Variants in COL5A1 observed in about 807,000 individuals in gnomAD.
The protein encoded by COL5A1 is collagen type V alpha 1 chain.
A neutral mutation model predicts 263.7 loss-of-function variants in COL5A1; 16 were observed. The observed-to-expected ratio is 0.06, with a 90% CI of 0.04 to 0.09. COL5A1 has a LOEUF of 0.09. Among genes scored for constraint, COL5A1 ranks in the 10% least tolerant of loss-of-function variants. The pLI is 1.00. For synonymous variants in COL5A1, 1,012 were observed against 1,004.5 expected (o/e 1.01, Z -0.14); for missense variants, 2,036 against 2,540.5 (o/e 0.80, Z 4.27).
At chr9:134,690,801 AGG>A in intron 1 of COL5A1, 109 bp from the exon 2 acceptor site, 1 of 1,340,448 alleles carries the variant, frequency 7.5e-7, no homozygotes, top group Non-Finnish European at 1.1e-6. Flanking sequence ...CTGAGTGCCC[AGG>A]ATTCACAGTG....
chr9:134,811,576 C>T lies in COL5A1; in HGVS notation c.3667C>T (p.Pro1223Ser), dbSNP rs1411675246. 1.3e-6 allele frequency: 2 copies of T among 1,561,562 alleles called. No homozygotes were observed. The highest frequency in any genetic ancestry group is 8.7e-7 in the Non-Finnish European group (1 of 1,152,410). The change falls in exon 46 of 66, where the codon CCC becomes TCC. Residue 1223 changes from proline (P) to serine (S), a missense_variant. Physicochemically the swap from Pro to Ser is moderately conservative, Grantham distance 74 (BLOSUM62 -1). This residue lies in a region of COL5A1 where 1,078 missense variants were observed against 1,521.4 expected (regional missense o/e 0.71). Coordinates refer to ENST00000371817, the MANE Select transcript of COL5A1 (RefSeq NM_000093.5). The stretch of plus-strand genomic sequence containing the variant: ...TGAAGGTCCCAGAGGCTTTCCTGGA[C>T]CCCCTGGGCCAGTGGGGCTGCAGGT... Reference protein sequence around the residue: ...GDEGPRGFPGPPGPVGLQGLP... With the variant: ...GDEGPRGFPGSPGPVGLQGLP...
chr9:134,835,240 A>G lies in COL5A1; in HGVS notation c.5370+36A>G, dbSNP rs769533727. ...CGCGCCGCGCCCAGCACCCCTGCTC[A>G]CGCCTCCGTGGGGCTCGCTCCTCAC... On this transcript the variant is annotated intron_variant, in intron 65 of 65. Coordinates refer to ENST00000371817, the MANE Select transcript of COL5A1 (RefSeq NM_000093.5). The G allele has an allele frequency of 4.4e-6, 7 of 1,577,064 alleles. No individual in the cohort carries two copies. The Admixed American group carries it at 1.0e-4, about 23-fold the overall frequency.
chr9:134,797,666 A>G (rs185354819), intron 36 of COL5A1, among the ~76,000 whole-genome samples: 9 of 152,202 alleles, frequency 5.9e-5, no homozygotes, highest in African/African-American at 2.2e-4. Flanking sequence ...TATTTTTAGT[A>G]GAGATGGGGT....
chr9:134,688,709 C>T (rs930767428), intron 1 of COL5A1, among the ~76,000 whole-genome samples: 8 of 152,282 alleles, frequency 5.3e-5, no homozygotes, highest in South Asian at 2.1e-4. Context: ...ACTGTTCCCA[C>T]GCCGCAGTGG....
chr9:134,645,678 G>A (rs1228979182), intron 1 of COL5A1, among the ~76,000 whole-genome samples: 3 of 152,254 alleles, frequency 2.0e-5, no homozygotes, highest in Non-Finnish European at 4.4e-5. Flanking sequence ...TAGGAGTCAG[G>A]GGGCAGGGAT....
chr9:134,804,218 CAA>C (rs1233350917), intron 39 of COL5A1, among the ~76,000 whole-genome samples: 1 of 152,100 alleles, frequency 6.6e-6, no homozygotes. Context: ...ATTCTAGACA[CAA>C]AGAGAGCTCT....
intron 26 of COL5A1, among the ~76,000 whole-genome samples, chr9:134,773,928 T>G (rs992531791): frequency 1.3e-5 from 2 of 152,156 alleles, no homozygotes; most frequent in Non-Finnish European, 2.9e-5. Context: ...GGAGACCCAG[T>G]TCCCGCTGCC....
chr9:134,825,529 C>G (rs1839229872), intron 62 of COL5A1, among the ~76,000 whole-genome samples: 1 of 152,114 alleles, frequency 6.6e-6, no homozygotes. Context: ...GGCCGGACCC[C>G]AACCCTCCTG....
At chr9:134,811,315 A>G (rs1272060645) in intron 44 of COL5A1, 24 bp from the exon 45 acceptor site, 24 of 1,612,474 alleles carry the variant, frequency 1.5e-5, no homozygotes, top group Non-Finnish European at 1.9e-5. Context: ...GAAGCTACCT[A>G]TGTCTCTGTC....
At position 134,786,165 on chromosome 9, in the gene COL5A1, G is replaced by A. The variant is rs181076330; in HGVS notation, c.2646+117G>A. On this transcript the variant is annotated intron_variant, in intron 31 of 65. Transcript: ENST00000371817. ...GGCACAGGTGGAAGGATGTTCTGCC[G>A]ATAACTTCTGGCCATGTTACGTGTC... is the stretch of plus-strand genomic sequence containing the variant. The A allele has an allele frequency of 2.6e-4, 258 of 993,486 alleles. No individual in the cohort carries two copies. The African/African-American group carries it at 3.5e-3, about 13-fold the overall frequency. The allele number at this position is 993,486 out of a possible 1,614,324, so 61.5% of individuals were successfully genotyped here. A position where few individuals can be genotyped will look rare whatever the true frequency, so the allele number is the denominator to read the frequency against.
chr9:134,818,489 C>T lies in COL5A1; in HGVS notation c.4231-167C>T, dbSNP rs1838854771. On this transcript the variant is annotated intron_variant, in intron 54 of 65. Coordinates refer to ENST00000371817, the MANE Select transcript of COL5A1 (RefSeq NM_000093.5). This position sits in a 1 kb window ranked among gnomAD's most constrained non-coding sequence, Gnocchi z 6.0. The stretch of plus-strand genomic sequence containing the variant: ...GAGATGATCGGGATGGAGACTTGAC[C>T]AGGGCAGCTTCCACAGGCAATGAAA... 6.6e-6 allele frequency among the ~76,000 whole-genome samples: 1 copy of T among 152,172 alleles called. No homozygotes were observed. Among genetic ancestry groups the T allele is most frequent in the South Asian group, 2.1e-4 (1 of 4,832 alleles).
chr9:134,750,367 C>G (rs1253250733), intron 11 of COL5A1, among the ~76,000 whole-genome samples, 175 bp from the exon 12 acceptor site: 1 of 152,234 alleles, frequency 6.6e-6, no homozygotes, highest in Non-Finnish European at 1.5e-5. Context: ...CAGCCGTGCC[C>G]CTCCCTTCTC....
intron 1 of COL5A1, among the ~76,000 whole-genome samples, chr9:134,650,241 C>G (rs1160206293): frequency 1.3e-5 from 2 of 152,170 alleles, no homozygotes; most frequent in African/African-American, 2.4e-5. Flanking sequence ...TTGAAAAACT[C>G]TGACCCTTGC....
intron 29 of COL5A1, among the ~76,000 whole-genome samples, chr9:134,783,946 A>ACGAG (rs1837358639): frequency 6.6e-6 from 1 of 152,192 alleles, no homozygotes; most frequent in Admixed American, 6.5e-5. Flanking sequence ...CGTCCACGTG[A>ACGAG]CGAGGGTGCA....
Position 134,696,671 on chromosome 9 carries a change from G to A in COL5A1, c.278-3238G>A, listed in dbSNP as rs1833480712. ...CTGTAGTGAGCAATCGGTATGCTTA[G>A]TAACTGTCGGCTCAGTATGATTTAG... On this transcript the variant is annotated intron_variant, in intron 2 of 65. Transcript: ENST00000371817. This position sits in a 1 kb window ranked among gnomAD's most constrained non-coding sequence, Gnocchi z 4.3. Among the ~76,000 whole-genome samples the A allele has an allele frequency of 6.6e-6, 1 of 152,328 alleles. No individual in the cohort carries two copies. The highest frequency in any genetic ancestry group is 1.9e-4 in the East Asian group (1 of 5,190).
rs964076635 is a variant in COL5A1 at position 134,786,068 on chromosome 9, G to C, written c.2646+20G>C. 1.9e-6 allele frequency: 3 copies of C among 1,604,742 alleles called. No individual in the cohort carries two copies. In the African/African-American group the frequency reaches 4.0e-5, roughly 21 times the overall value. On this transcript the variant is annotated intron_variant, in intron 31 of 65. Coordinates refer to ENST00000371817, the MANE Select transcript of COL5A1 (RefSeq NM_000093.5). ...CCAAAGGTAACTTCTGGCCGTGTTA[G>C]GTGTCCCGGGACAGGCGGAGGGATG...
intron 63 of COL5A1, among the ~76,000 whole-genome samples, chr9:134,829,540 C>T (rs12352420): frequency 0.3 from 42,621 of 141,270 alleles, 6,791 homozygotes; most frequent in Admixed American, 0.34. Flanking sequence ...CTCCTCCTCA[C>T]GCAGCCTCCG....
Position 134,819,060 on chromosome 9 carries a change from G to A in COL5A1, c.4446+7G>A, listed in dbSNP as rs1231768380. The A allele has an allele frequency of 1.2e-6, 2 of 1,613,248 alleles. No homozygotes were observed. The highest frequency in any genetic ancestry group is 3.3e-5 in the Admixed American group (2 of 60,032). On this transcript the variant is annotated splice_region_variant and intron_variant, in intron 57 of 65. Transcript: ENST00000371817. ...TGGTCCCAAAGGTGAAAAGGTAAGAGGGGCCTCCCTGCCCCAGCAACTGTG... is the reference window on the plus strand; with the variant it reads ...TGGTCCCAAAGGTGAAAAGGTAAGAAGGGCCTCCCTGCCCCAGCAACTGTG...
At position 134,680,007 on chromosome 9, in the gene COL5A1, G is replaced by C. The variant is rs1420188648; in HGVS notation, c.110-10905G>C. On this transcript the variant is annotated intron_variant, in intron 1 of 65. Transcript: ENST00000371817. This position sits in a 1 kb window ranked among gnomAD's most constrained non-coding sequence, Gnocchi z 5.9. ...TCAGGTGGGCCTGTGCCTGTGGGGA[G>C]GGTGGTCTAGTGTCAGACACAGATG... 6.6e-6 allele frequency among the ~76,000 whole-genome samples: 1 copy of C among 152,068 alleles called. No homozygotes were observed. The highest frequency in any genetic ancestry group is 1.5e-5 in the Non-Finnish European group (1 of 67,986).
Sources: allele counts gnomAD v4.1 joint callset (sites outside exome capture counted in the v4.1 genomes callset), GRCh38; gene constraint gnomAD v4.1.1; regional missense constraint gnomAD v4.1.1; non-coding constraint Gnocchi (gnomAD v3.1); transcripts MANE v1.5; gene names NCBI Gene and HGNC (gene_info 2026-07-23, HGNC 2026-07-21).